The following DAB1 variants were observed in gnomAD, a reference collection of about 807,000 sequenced individuals.
DAB1 encodes the protein disabled homolog 1.
DAB1 carries 15 observed loss-of-function variants against 64.6 expected under a neutral mutation model. The ratio of observed to expected loss-of-function variants is 0.23; its 90% confidence interval spans 0.16 to 0.36. The LOEUF (loss-of-function observed/expected upper bound fraction) is 0.36. Among genes scored for constraint, DAB1 ranks in the 10% least tolerant of loss-of-function variants. The probability of loss-of-function intolerance (pLI) is 1.00; values close to 1 mark genes in which losing one functional copy is unlikely to be tolerated. For synonymous variants in DAB1, 235 were observed against 251.9 expected, an observed-to-expected ratio of 0.93 and a Z score of 0.64; for missense variants, 596 against 706.7, an observed-to-expected ratio of 0.84 and a Z score of 1.78.
At chr1:57,781,126 C>CTATATA (rs35044056) in intron 6 of DAB1, among the ~76,000 whole-genome samples, 13 of 27,724 alleles carry the variant, frequency 4.7e-4, no homozygotes, top group Non-Finnish European at 5.8e-4. Flanking sequence ...CTCTCTCTCT[C>CTATATA]TATATATATA....
chr1:58,345,987 C>T (rs1453551273), intron 3 of DAB1, among the ~76,000 whole-genome samples: 2 of 152,148 alleles, frequency 1.3e-5, no homozygotes, highest in Non-Finnish European at 2.9e-5. Flanking sequence ...CAGAGTGAGA[C>T]ACTGAGGAGA....
chr1:57,050,539 T>G (rs1473890819), intron 9 of DAB1, among the ~76,000 whole-genome samples: 1 of 152,188 alleles, frequency 6.6e-6, no homozygotes, highest in Non-Finnish European at 1.5e-5. Context: ...CTTTTAAACA[T>G]TCAGTTCCTT....
rs779432585 is a variant in DAB1, at chr1:57,010,757, G to C, written c.1606C>G (p.Pro536Ala). ...DGSQASSNSD[P>A]FGEPSGEPSG... ...GGCTCCCCACTGGGCTCACCAAATGGATCACTGTTGGATGAGGCCTGTGAT... is the reference window on the plus strand; with the variant it reads ...GGCTCCCCACTGGGCTCACCAAATGCATCACTGTTGGATGAGGCCTGTGAT... Residue 536 changes from proline to alanine, a missense_variant, in exon 14 of 15, where the codon CCA becomes GCA. By Grantham distance (27) the Pro-to-Ala change is conservative. This residue lies in a region of DAB1 where 377 missense variants were observed against 400.4 expected (regional missense o/e 0.94). Transcript: ENST00000371236. The C allele has an allele frequency of 4.6e-5, 74 of 1,596,642 alleles. 1 individual carries two copies. In the South Asian group the frequency reaches 5.6e-4, roughly 12 times the overall value.
intron 7 of DAB1, among the ~76,000 whole-genome samples, chr1:57,461,929 G>A (rs1686793645): frequency 1.4e-5 from 2 of 146,742 alleles, no homozygotes; most frequent in African/African-American, 5.0e-5. Context: ...AATACATAAA[G>A]GATAAGATAT....
At chr1:57,380,298 G>A (rs572365487) in intron 1 of DAB1, among the ~76,000 whole-genome samples, 27 of 152,138 alleles carry the variant, frequency 1.8e-4, no homozygotes, top group African/African-American at 6.5e-4. Context: ...AACTGATATG[G>A]TGTTGTTACG....
chr1:58,033,525 C>A (rs1408539524), intron 5 of DAB1, among the ~76,000 whole-genome samples: 1 of 152,196 alleles, frequency 6.6e-6, no homozygotes, highest in Non-Finnish European at 1.5e-5. Context: ...AATTCCTATG[C>A]ATCCTTCAAA....
At chr1:57,915,519 T>C (rs980331127) in intron 5 of DAB1, among the ~76,000 whole-genome samples, 1 of 152,110 alleles carries the variant, frequency 6.6e-6, no homozygotes, top group African/African-American at 2.4e-5. Flanking sequence ...TGGTAAGCCA[T>C]TGAAATTTCA....
At chr1:57,817,967 A>G (rs894057797) in intron 6 of DAB1, among the ~76,000 whole-genome samples, 6 of 152,140 alleles carry the variant, frequency 3.9e-5, no homozygotes, top group Non-Finnish European at 7.4e-5. Context: ...TAAAATAAGG[A>G]CTTTTATTAA....
At chr1:57,095,384 C>T (rs1234062535) in intron 4 of DAB1, among the ~76,000 whole-genome samples, 3 of 152,192 alleles carry the variant, frequency 2.0e-5, no homozygotes, top group Non-Finnish European at 4.4e-5. Flanking sequence ...TACCCTGGAT[C>T]AGAGAACTGG....
chr1:58,125,877 G>A (rs1570386249), intron 5 of DAB1, among the ~76,000 whole-genome samples: 1 of 152,112 alleles, frequency 6.6e-6, no homozygotes, highest in East Asian at 1.9e-4. Flanking sequence ...ACTGGTTTAT[G>A]ACAGTATCAC....
At chr1:57,993,293 A>C (rs766445017) in intron 5 of DAB1, among the ~76,000 whole-genome samples, 14 of 152,152 alleles carry the variant, frequency 9.2e-5, no homozygotes, top group Admixed American at 6.5e-4. Flanking sequence ...AAAAGAAAAA[A>C]AGATAAAATA....
chr1:57,084,449 G>T (rs997992154), intron 4 of DAB1, among the ~76,000 whole-genome samples: 1 of 152,172 alleles, frequency 6.6e-6, no homozygotes, highest in East Asian at 1.9e-4. Flanking sequence ...CATTTCTGTT[G>T]TTTCAGCTGT....
chr1:57,862,222 T>C (rs1294630076), intron 1 of DAB1, among the ~76,000 whole-genome samples: 1 of 152,216 alleles, frequency 6.6e-6, no homozygotes, highest in African/African-American at 2.4e-5. Context: ...CCTCATGAAA[T>C]AGATAGTATT....
chr1:57,636,748 T>A (rs1208395899), intron 7 of DAB1, among the ~76,000 whole-genome samples: 1 of 152,092 alleles, frequency 6.6e-6, no homozygotes, highest in Non-Finnish European at 1.5e-5. Flanking sequence ...ATGGAAAAGG[T>A]TATGGAAGGA....
At chr1:58,223,890 G>A (rs1046625753) in intron 4 of DAB1, among the ~76,000 whole-genome samples, 11 of 152,242 alleles carry the variant, frequency 7.2e-5, no homozygotes, top group African/African-American at 2.7e-4. Context: ...GGTTGGATGT[G>A]TGAAAAAGAA....
intron 4 of DAB1, among the ~76,000 whole-genome samples, chr1:57,114,989 A>G (rs1437799588): frequency 2.0e-5 from 3 of 152,160 alleles, no homozygotes. Flanking sequence ...AGGAGAATTA[A>G]ATTGAATAAA....
At chr1:57,324,399 A>G (rs561995645) in intron 1 of DAB1, among the ~76,000 whole-genome samples, 3 of 152,314 alleles carry the variant, frequency 2.0e-5, no homozygotes, top group African/African-American at 7.2e-5. Context: ...CATCAGTAGT[A>G]AAGGTATCAT....
chr1:58,038,977 T>C (rs1335303254), intron 5 of DAB1, among the ~76,000 whole-genome samples: 1 of 152,060 alleles, frequency 6.6e-6, no homozygotes, highest in African/African-American at 2.4e-5. Context: ...CCCACCCTCC[T>C]TGCCTTCCCT....
intron 6 of DAB1, among the ~76,000 whole-genome samples, chr1:57,718,288 GACT>G (rs1647109163): frequency 6.6e-6 from 1 of 151,988 alleles, no homozygotes; most frequent in Admixed American, 6.6e-5. Context: ...ACAGTTATGT[GACT>G]ACTATAAATT....
Sources: allele counts gnomAD v4.1 joint callset (sites outside exome capture counted in the v4.1 genomes callset), GRCh38; gene constraint gnomAD v4.1.1; regional missense constraint gnomAD v4.1.1; transcripts MANE v1.5; gene names NCBI Gene and HGNC (gene_info 2026-07-23, HGNC 2026-07-21).